Variants in OPCML observed in about 807,000 individuals in gnomAD.
The protein encoded by OPCML is opioid-binding protein/cell adhesion molecule.
Under a neutral mutation model 37.8 loss-of-function variants are expected in OPCML, and 13 were observed. The observed-to-expected ratio is 0.34, with a 90% CI of 0.22 to 0.55. OPCML has a LOEUF of 0.55. Among genes scored for constraint, OPCML ranks in the 20% least tolerant of loss-of-function variants. The probability of loss-of-function intolerance (pLI) is 0.91; values close to 1 mark genes in which losing one functional copy is unlikely to be tolerated. For synonymous variants in OPCML, 176 were observed against 168.8 expected (o/e 1.04, Z -0.33); for missense variants, 341 against 435.6 (o/e 0.78, Z 1.93).
chr11:133,451,712 G>A (rs920160411), intron 1 of OPCML, among the ~76,000 whole-genome samples: 5 of 148,200 alleles, frequency 3.4e-5, no homozygotes, highest in Non-Finnish European at 5.9e-5. Context: ...GTGTGGTGGC[G>A]GGTGCCTGTA....
intron 1 of OPCML, among the ~76,000 whole-genome samples, chr11:133,226,899 T>C (rs1940063466): frequency 6.6e-6 from 1 of 152,166 alleles, no homozygotes; most frequent in African/African-American, 2.4e-5. Context: ...TGGCACCCAC[T>C]CATAGACACA....
intron 1 of OPCML, among the ~76,000 whole-genome samples, chr11:133,056,741 T>C (rs1002613049): frequency 2.0e-5 from 3 of 152,228 alleles, no homozygotes; most frequent in Non-Finnish European, 4.4e-5. Context: ...AATCACTATG[T>C]ATGGTTCCGT....
chr11:132,657,206 G>GT lies in OPCML; in HGVS notation c.259dup (p.Thr87AsnfsTer16). 1 of 1,614,252 alleles carries GT rather than the reference G, an allele frequency of 6.2e-7. No homozygotes were observed. The highest frequency in any genetic ancestry group is 8.5e-7 in the Non-Finnish European group (1 of 1,180,052). On this transcript the variant is annotated frameshift_variant, in exon 3 of 8. Transcript: ENST00000524381. LOFTEE classifies it high-confidence loss of function. ...GATCATGATGCTGTACTGGGTTGGT[G>GT]TATTGACCAGGATGATCACACGAGG...
In OPCML at chr11:133,208,005, T is replaced by C. The variant is rs1244977342; in HGVS notation, c.62-264995A>G. 6.6e-6 allele frequency among the ~76,000 whole-genome samples: 1 copy of C among 152,186 alleles called. No homozygotes were observed. The highest frequency in any genetic ancestry group is 1.5e-5 in the Non-Finnish European group (1 of 68,028). On this transcript the variant is annotated intron_variant, in intron 1 of 7. Coordinates refer to ENST00000524381, the MANE Select transcript of OPCML (RefSeq NM_001012393.5). This position sits in a 1 kb window ranked among gnomAD's most constrained non-coding sequence, Gnocchi z 8.9. ...ATCTACTTAGCACCTCTACGCTTTG[T>C]AATTAAGAACTCAAACTGCATTTAA...
At chr11:132,630,881 T>C (rs899846726) in intron 3 of OPCML, among the ~76,000 whole-genome samples, 8 of 152,122 alleles carry the variant, frequency 5.3e-5, no homozygotes, top group African/African-American at 1.9e-4. Flanking sequence ...ACATTCCAAC[T>C]GGGGAATGGA....
intron 1 of OPCML, among the ~76,000 whole-genome samples, chr11:133,443,015 G>T (rs1451833147): frequency 1.3e-5 from 2 of 152,070 alleles, no homozygotes; most frequent in Non-Finnish European, 2.9e-5. Context: ...TGTAATATTT[G>T]TGAAATGAAA....
rs2136275708 is a variant in OPCML at position 133,174,859 on chromosome 11, T to C, written c.62-231849A>G. 6.6e-6 allele frequency among the ~76,000 whole-genome samples: 1 copy of C among 152,304 alleles called. No homozygotes were observed. The highest frequency in any genetic ancestry group is 2.1e-4 in the South Asian group (1 of 4,822). On this transcript the variant is annotated intron_variant, in intron 1 of 7. Coordinates refer to ENST00000524381, the MANE Select transcript of OPCML (RefSeq NM_001012393.5). The surrounding 1 kb of genome is among the most constrained non-coding windows in gnomAD (Gnocchi z 4.6). The stretch of plus-strand genomic sequence containing the variant: ...AAAATAACCTGTAATCCCAGCACTT[T>C]GGGAGGCCAAGGCAGGAGGATCACT...
At chr11:132,663,517 A>C (rs2135792557) in intron 2 of OPCML, among the ~76,000 whole-genome samples, 1 of 152,320 alleles carries the variant, frequency 6.6e-6, no homozygotes, top group South Asian at 2.1e-4. Flanking sequence ...TATGACAACA[A>C]TTAAATTTAA....
intron 2 of OPCML, among the ~76,000 whole-genome samples, chr11:132,847,148 C>T (rs184282046): frequency 1.8e-3 from 269 of 152,190 alleles, no homozygotes; most frequent in African/African-American, 6.3e-3. Flanking sequence ...GATCATCGAC[C>T]CGTGACAACT....
At chr11:132,691,606 T>G in intron 2 of OPCML, among the ~76,000 whole-genome samples, 1 of 152,206 alleles carries the variant, frequency 6.6e-6, no homozygotes, top group Non-Finnish European at 1.5e-5. Context: ...TGACAGCACC[T>G]GGTGTACTCC....
chr11:132,436,240 G>T lies in OPCML; in HGVS notation c.765-3C>A. ...TTCCATCCAGACCAGTGGCTAACCT[G>T]CAAGAGGGAAGACATTGCTATCAAT... On this transcript the variant is annotated splice_region_variant and splice_polypyrimidine_tract_variant and intron_variant, in intron 6 of 7. Transcript: ENST00000524381. 1 of 1,614,166 alleles carries T rather than the reference G, an allele frequency of 6.2e-7. No homozygotes were observed. Among genetic ancestry groups the T allele is most frequent in the Non-Finnish European group, 8.5e-7 (1 of 1,180,028 alleles).
intron 1 of OPCML, among the ~76,000 whole-genome samples, chr11:133,306,608 C>T (rs974801371): frequency 2.6e-5 from 4 of 152,038 alleles, no homozygotes; most frequent in African/African-American, 9.7e-5. Flanking sequence ...AATGACAAGA[C>T]TGAAAATGTT....
At chr11:132,595,077 C>T (rs2137732556) in intron 3 of OPCML, among the ~76,000 whole-genome samples, 1 of 152,166 alleles carries the variant, frequency 6.6e-6, no homozygotes, top group East Asian at 1.9e-4. Context: ...TTCTGTCTCT[C>T]AGTGAATTTT....
rs565793178 is a variant in OPCML at position 133,168,469 on chromosome 11, T to G, written c.62-225459A>C. Reference sequence around the variant, plus strand: ...TGTGGCCCAATGTTCAATGGTGTTTTGGGGTTAATAAGAAATGACCAAAAT... The same window carrying G: ...TGTGGCCCAATGTTCAATGGTGTTTGGGGGTTAATAAGAAATGACCAAAAT... On this transcript the variant is annotated intron_variant, in intron 1 of 7. Coordinates refer to ENST00000524381, the MANE Select transcript of OPCML (RefSeq NM_001012393.5). Among the ~76,000 whole-genome samples, 460 of 152,280 alleles carry G rather than the reference T, an allele frequency of 3.0e-3. 3 individuals carry two copies. The highest frequency in any genetic ancestry group is 5.0e-3 in the Non-Finnish European group (340 of 68,008).
chr11:132,792,262 T>C (rs1937967194), intron 2 of OPCML, among the ~76,000 whole-genome samples: 2 of 152,140 alleles, frequency 1.3e-5, no homozygotes, highest in Non-Finnish European at 2.9e-5. Context: ...AAACCACTTA[T>C]TCCACCTTCT....
At chr11:132,893,797 A>G (rs1159877121) in intron 2 of OPCML, among the ~76,000 whole-genome samples, 2 of 152,220 alleles carry the variant, frequency 1.3e-5, no homozygotes, top group East Asian at 1.9e-4. Context: ...TTCATATTAA[A>G]CCACAGTTTC....
At chr11:133,011,871 G>T (rs1277617267) in intron 1 of OPCML, among the ~76,000 whole-genome samples, 1 of 152,218 alleles carries the variant, frequency 6.6e-6, no homozygotes, top group African/African-American at 2.4e-5. Context: ...AGTTGACTAA[G>T]TATACTAGAA....
At chr11:132,523,270 G>A (rs552547222) in intron 4 of OPCML, among the ~76,000 whole-genome samples, 1 of 151,600 alleles carries the variant, frequency 6.6e-6, no homozygotes, top group East Asian at 1.9e-4. Context: ...GCCTAACCAG[G>A]TGATAACCAT....
At chr11:133,038,632 A>G (rs562640551) in intron 1 of OPCML, among the ~76,000 whole-genome samples, 1 of 152,318 alleles carries the variant, frequency 6.6e-6, no homozygotes, top group Non-Finnish European at 1.5e-5. Flanking sequence ...ATTACAGATG[A>G]TAAAACTGCT....
Sources: allele counts gnomAD v4.1 joint callset (sites outside exome capture counted in the v4.1 genomes callset), GRCh38; gene constraint gnomAD v4.1.1; non-coding constraint Gnocchi (gnomAD v3.1); transcripts MANE v1.5; gene names NCBI Gene and HGNC (gene_info 2026-07-23, HGNC 2026-07-21).